The following SH2D4B variants were observed in gnomAD, a reference collection of about 807,000 sequenced individuals.
SH2D4B encodes the protein SH2 domain containing 4B, also known as SH2 domain-containing protein 4B.
A neutral mutation model predicts 61.5 loss-of-function variants in SH2D4B; 45 were observed. That is an observed-to-expected ratio of 0.73 (90% CI 0.58 to 0.94). The LOEUF (loss-of-function observed/expected upper bound fraction) is 0.94, where lower values mean the gene tolerates loss of function less well. Among genes scored for constraint, SH2D4B ranks in the 40% least tolerant of loss-of-function variants. SH2D4B has a pLI of 0.00. For synonymous variants in SH2D4B, 224 were observed against 220.4 expected (o/e 1.02, Z -0.14); for missense variants, 572 against 574.2 (o/e 1.00, Z 0.04).
intron 4 of SH2D4B, among the ~76,000 whole-genome samples, chr10:80,598,595 G>A (rs1165489997): frequency 6.6e-6 from 1 of 152,076 alleles, no homozygotes; most frequent in Non-Finnish European, 1.5e-5. Flanking sequence ...AATCTATGGG[G>A]GAGCAGCAGT....
At chr10:80,605,333 G>C (rs1842506537) in intron 5 of SH2D4B, among the ~76,000 whole-genome samples, 1 of 151,588 alleles carries the variant, frequency 6.6e-6, no homozygotes, top group African/African-American at 2.4e-5. Context: ...TGCTGTAAAT[G>C]ATCTTTTTAT....
intron 6 of SH2D4B, among the ~76,000 whole-genome samples, chr10:80,621,716 T>G (rs1025485745): frequency 6.6e-6 from 1 of 152,188 alleles, no homozygotes; most frequent in Non-Finnish European, 1.5e-5. Context: ...CATCTACTGC[T>G]GATGGTCCAC....
At position 80,538,581 on chromosome 10, in the gene SH2D4B, GC is replaced by G; in HGVS notation, c.184+68del. On this transcript the variant is annotated intron_variant, in intron 1 of 7. Coordinates refer to ENST00000646907, the MANE Select transcript of SH2D4B (RefSeq NM_001388272.1). The surrounding 1 kb of genome is among the most constrained non-coding windows in gnomAD (Gnocchi z 4.8). ...CCCAGGAGGTAGAAAAATTAGCAGG[GC>G]CAGGCTGTGCCCTTCTTCAAGATGG... 1 of 1,261,534 alleles carries G rather than the reference GC, an allele frequency of 7.9e-7. No individual in the cohort carries two copies. The highest frequency in any genetic ancestry group is 1.0e-6 in the Non-Finnish European group (1 of 979,790). The allele number at this position is 1,261,534 out of a possible 1,614,324, so 78.1% of individuals were successfully genotyped here.
rs1015912281 is a variant in SH2D4B, at chr10:80,596,164, C to A, written c.643+7387C>A. ...TTTTTATCTGGGGCAAGCTCCTAGG[C>A]GATGCCTCAGGGGCATACGCTCAGG... On this transcript the variant is annotated intron_variant, in intron 4 of 7. Coordinates refer to ENST00000646907, the MANE Select transcript of SH2D4B (RefSeq NM_001388272.1). 2.6e-5 allele frequency among the ~76,000 whole-genome samples: 4 copies of A among 152,352 alleles called. No individual in the cohort carries two copies. In the East Asian group the frequency reaches 5.8e-4, roughly 22 times the overall value.
intron 7 of SH2D4B, among the ~76,000 whole-genome samples, 167 bp downstream of exon 7, chr10:80,634,672 G>A (rs1842876620): frequency 6.6e-6 from 1 of 152,136 alleles, no homozygotes; most frequent in Non-Finnish European, 1.5e-5. Context: ...TTGTCCACAC[G>A]GGGCCCGAGG....
At chr10:80,560,840 A>T (rs1311048130) in intron 1 of SH2D4B, among the ~76,000 whole-genome samples, 1 of 151,658 alleles carries the variant, frequency 6.6e-6, no homozygotes, top group Non-Finnish European at 1.5e-5. Flanking sequence ...CACTATTTTC[A>T]CAATAACACT....
At chr10:80,611,261 C>A (rs1438454494) in intron 6 of SH2D4B, among the ~76,000 whole-genome samples, 1 of 150,676 alleles carries the variant, frequency 6.6e-6, no homozygotes, top group African/African-American at 2.4e-5. Flanking sequence ...ACATTGGCTC[C>A]TAAAGCTTTT....
chr10:80,587,277 T>C (rs1304467527), intron 3 of SH2D4B, among the ~76,000 whole-genome samples: 2 of 151,428 alleles, frequency 1.3e-5, no homozygotes, highest in Non-Finnish European at 2.9e-5. Context: ...TTTTTGTTGT[T>C]GTTGTTGTTG....
At chr10:80,639,734 A>G (rs550130626) in intron 7 of SH2D4B, among the ~76,000 whole-genome samples, 59 of 152,184 alleles carry the variant, frequency 3.9e-4, no homozygotes, top group Admixed American at 6.5e-4. Context: ...TCTTTATCCA[A>G]TTTGCCAGTC....
Position 80,646,203 on chromosome 10 carries a change from CA to C in SH2D4B, c.*2119del, listed in dbSNP as rs2132171731. 1 of 152,698 alleles carries C rather than the reference CA, an allele frequency of 6.5e-6. No homozygotes were observed. Among genetic ancestry groups the C allele is most frequent in the Non-Finnish European group, 1.5e-5 (1 of 68,024 alleles). The allele number at this position is 152,698 out of a possible 1,614,324, so 9.5% of individuals were successfully genotyped here. ...ACTTAGTGCTTAGCCCATGATGTATCAGGGGATATGATGTGATGATTTTCAA... is the reference window on the plus strand; with the variant it reads ...ACTTAGTGCTTAGCCCATGATGTATCGGGGATATGATGTGATGATTTTCAA... On this transcript the variant is annotated 3_prime_UTR_variant, in exon 8 of 8. Transcript: ENST00000646907.
intron 5 of SH2D4B, 71 bp from the exon 6 acceptor site, chr10:80,609,353 T>C: frequency 4.0e-6 from 5 of 1,236,702 alleles, no homozygotes; most frequent in Non-Finnish European, 4.3e-6. Flanking sequence ...TTCCTTCCCC[T>C]CTGCCTTCCT....
chr10:80,602,886 C>T lies in SH2D4B; in HGVS notation c.644-693C>T, dbSNP rs112897720. Among the ~76,000 whole-genome samples, 230 of 152,200 alleles carry T rather than the reference C, an allele frequency of 1.5e-3. 2 individuals are homozygous for T. The highest frequency in any genetic ancestry group is 5.0e-3 in the African/African-American group (209 of 41,500). ...GGTAGCTGCTTGAGTGGTGGGACCACGGGGTGGAAAGAACAGTGTGGGTTT... is the reference window on the plus strand; with the variant it reads ...GGTAGCTGCTTGAGTGGTGGGACCATGGGGTGGAAAGAACAGTGTGGGTTT... On this transcript the variant is annotated intron_variant, in intron 4 of 7. Transcript: ENST00000646907.
chr10:80,641,136 A>G (rs1209377069), intron 7 of SH2D4B, among the ~76,000 whole-genome samples: 1 of 152,162 alleles, frequency 6.6e-6, no homozygotes, highest in Non-Finnish European at 1.5e-5. Context: ...CAGAATGGCA[A>G]ATATTGCTGC....
intron 7 of SH2D4B, 36 bp downstream of exon 7, chr10:80,634,541 G>T (rs1465937229): frequency 2.6e-6 from 4 of 1,543,502 alleles, no homozygotes; most frequent in Non-Finnish European, 3.5e-6. Flanking sequence ...GGGGGAGGGG[G>T]AACTGGTGGA....
At chr10:80,593,492 T>A (rs1337228925) in intron 4 of SH2D4B, among the ~76,000 whole-genome samples, 5 of 152,270 alleles carry the variant, frequency 3.3e-5, no homozygotes, top group Non-Finnish European at 7.3e-5. Context: ...GTTTCATTTT[T>A]GGATTGTTTA....
At chr10:80,564,720 A>G (rs942323393) in intron 1 of SH2D4B, among the ~76,000 whole-genome samples, 8 of 152,336 alleles carry the variant, frequency 5.3e-5, no homozygotes, top group African/African-American at 1.9e-4. Context: ...TTGAGTGTCT[A>G]ATAAGCATGT....
intron 6 of SH2D4B, among the ~76,000 whole-genome samples, chr10:80,609,932 G>C (rs1330894667): frequency 6.6e-6 from 1 of 152,204 alleles, no homozygotes; most frequent in Non-Finnish European, 1.5e-5. Flanking sequence ...TGTAGGCTCT[G>C]GGTACATACT....
chr10:80,544,600 C>T (rs192639019), intron 1 of SH2D4B, among the ~76,000 whole-genome samples: 1 of 152,372 alleles, frequency 6.6e-6, no homozygotes, highest in East Asian at 1.9e-4. Flanking sequence ...TCCGTGTGTC[C>T]TCTTTCCAGG....
At chr10:80,599,366 T>A (rs557223321) in intron 4 of SH2D4B, among the ~76,000 whole-genome samples, 2 of 152,138 alleles carry the variant, frequency 1.3e-5, no homozygotes, top group Non-Finnish European at 2.9e-5. Context: ...CTTGAAACTC[T>A]CCTTGAACTC....
Sources: allele counts gnomAD v4.1 joint callset (sites outside exome capture counted in the v4.1 genomes callset), GRCh38; gene constraint gnomAD v4.1.1; non-coding constraint Gnocchi (gnomAD v3.1); transcripts MANE v1.5; gene names NCBI Gene and HGNC (gene_info 2026-07-23, HGNC 2026-07-21).